GPC5: variants seen among roughly 807,000 people sequenced by gnomAD.
GPC5 encodes the protein glypican 5.
GPC5 carries 47 observed loss-of-function variants against 53.9 expected under a neutral mutation model. The observed-to-expected ratio is 0.87, with a 90% CI of 0.69 to 1.11. The LOEUF is 1.11. Among genes scored for constraint, GPC5 ranks in the 50% most tolerant of loss-of-function variants. GPC5 has a pLI of 0.00. For synonymous variants in GPC5, 286 were observed against 263.3 expected (o/e 1.09, Z -0.84); for missense variants, 748 against 713.1 (o/e 1.05, Z -0.56).
chr13:92,357,033 C>A (rs983631229), intron 7 of GPC5, among the ~76,000 whole-genome samples: 2 of 148,086 alleles, frequency 1.4e-5, no homozygotes, highest in Non-Finnish European at 2.9e-5. Flanking sequence ...CATGTTCCTG[C>A]AAAGGAGTTG....
intron 7 of GPC5, among the ~76,000 whole-genome samples, chr13:92,338,711 C>T (rs913863729): frequency 6.6e-6 from 1 of 152,030 alleles, no homozygotes; most frequent in African/African-American, 2.4e-5. Context: ...CAGTAAAAAA[C>T]AATCAGTGGT....
chr13:92,483,907 G>A (rs11843627), intron 7 of GPC5, among the ~76,000 whole-genome samples: 3 of 151,940 alleles, frequency 2.0e-5, no homozygotes, highest in African/African-American at 7.3e-5. Context: ...GTGGGAAAAG[G>A]CCTCCTCCTC....
chr13:91,529,425 A>T (rs562114989), intron 2 of GPC5, among the ~76,000 whole-genome samples: 159 of 152,308 alleles, frequency 1.0e-3, no homozygotes, highest in African/African-American at 3.7e-3. Context: ...TGATACCTAG[A>T]TTTCAGTTTC....
At chr13:92,299,974 T>C (rs1354699203) in intron 7 of GPC5, among the ~76,000 whole-genome samples, 1 of 152,188 alleles carries the variant, frequency 6.6e-6, no homozygotes, top group Non-Finnish European at 1.5e-5. Flanking sequence ...CCTTCCTTAC[T>C]TTGCTCACCC....
chr13:92,120,832 G>A lies in GPC5; in HGVS notation c.1402-23998G>A, dbSNP rs192583956. Among the ~76,000 whole-genome samples, 2 of 152,226 alleles carry A rather than the reference G, an allele frequency of 1.3e-5. 1 individual carries two copies. The highest frequency in any genetic ancestry group is 3.9e-4 in the East Asian group (2 of 5,174). On this transcript the variant is annotated intron_variant, in intron 6 of 7. Coordinates refer to ENST00000377067, the MANE Select transcript of GPC5 (RefSeq NM_004466.6). ...ATGGTGTCCAGCTCTATGCAGCTCT[G>A]CCTCCAGATTATGTAAATATCAATT...
chr13:91,828,028 C>T (rs1228650456), intron 5 of GPC5, among the ~76,000 whole-genome samples: 1 of 151,966 alleles, frequency 6.6e-6, no homozygotes, highest in Non-Finnish European at 1.5e-5. Flanking sequence ...GTGATAGATG[C>T]AACAACATGG....
intron 6 of GPC5, among the ~76,000 whole-genome samples, chr13:91,972,144 G>A (rs1331558796): frequency 6.6e-6 from 1 of 152,110 alleles, no homozygotes; most frequent in African/African-American, 2.4e-5. Flanking sequence ...ATGAATCTGG[G>A]TGCTCCTGTA....
chr13:92,221,064 T>A (rs966557569), intron 7 of GPC5, among the ~76,000 whole-genome samples: 1 of 152,108 alleles, frequency 6.6e-6, no homozygotes, highest in African/African-American at 2.4e-5. Flanking sequence ...ACACCCAGCC[T>A]TCTGCTCAAA....
At chr13:92,738,580 C>T (rs576875561) in intron 7 of GPC5, among the ~76,000 whole-genome samples, 8 of 152,034 alleles carry the variant, frequency 5.3e-5, no homozygotes, top group Admixed American at 2.0e-4. Context: ...TAATGTTTAA[C>T]GTAAAGCCAA....
intron 7 of GPC5, among the ~76,000 whole-genome samples, chr13:92,816,329 T>G (rs1392975416): frequency 6.6e-6 from 1 of 152,090 alleles, no homozygotes; most frequent in Admixed American, 6.5e-5. Flanking sequence ...TTGAGCTATA[T>G]GATTTCCCCC....
chr13:92,385,966 C>T (rs1482643455), intron 7 of GPC5, among the ~76,000 whole-genome samples: 4 of 151,576 alleles, frequency 2.6e-5, no homozygotes, highest in Non-Finnish European at 4.4e-5. Context: ...CCCCATAAAA[C>T]AATCCTATTT....
chr13:92,030,852 A>G (rs1452967502), intron 6 of GPC5, among the ~76,000 whole-genome samples: 1 of 152,194 alleles, frequency 6.6e-6, no homozygotes, highest in Non-Finnish European at 1.5e-5. Flanking sequence ...GGGCCTGTTA[A>G]CAGGAACCTC....
At chr13:92,062,942 G>A (rs1208761487) in intron 6 of GPC5, among the ~76,000 whole-genome samples, 1 of 151,936 alleles carries the variant, frequency 6.6e-6, no homozygotes, top group African/African-American at 2.4e-5. Context: ...GAAGTTTGGG[G>A]AGGAAGACAA....
At chr13:92,423,901 GAT>G (rs1876701224) in intron 7 of GPC5, among the ~76,000 whole-genome samples, 1 of 152,204 alleles carries the variant, frequency 6.6e-6, no homozygotes, top group East Asian at 1.9e-4. Context: ...GCGTTAAACA[GAT>G]AAAAATTTAT....
At chr13:92,510,010 G>T (rs1466419816) in intron 7 of GPC5, 1 of 151,974 alleles carries the variant, frequency 6.6e-6, no homozygotes, top group African/African-American at 2.4e-5. Context: ...AGATTTTGAG[G>T]CATGTTATTG....
At chr13:91,788,938 G>A (rs565319545) in intron 5 of GPC5, among the ~76,000 whole-genome samples, 30 of 152,272 alleles carry the variant, frequency 2.0e-4, no homozygotes, top group East Asian at 5.8e-4. Flanking sequence ...TTTAGGCAGG[G>A]CATGGTGGCT....
chr13:92,120,517 C>T (rs1289457471), intron 6 of GPC5, among the ~76,000 whole-genome samples: 1 of 152,112 alleles, frequency 6.6e-6, no homozygotes, highest in East Asian at 1.9e-4. Context: ...ACTCAAAGTG[C>T]TAGGATTACA....
intron 7 of GPC5, among the ~76,000 whole-genome samples, chr13:92,481,269 G>A (rs1013119129): frequency 1.3e-5 from 2 of 151,700 alleles, no homozygotes; most frequent in African/African-American, 4.8e-5. Context: ...CCCAGCTAAT[G>A]TTTTGTATTT....
At chr13:92,231,352 G>A (rs778784723) in intron 7 of GPC5, among the ~76,000 whole-genome samples, 16 of 152,208 alleles carry the variant, frequency 1.1e-4, no homozygotes, top group Middle Eastern at 3.4e-3. Flanking sequence ...AATTCCAAGG[G>A]TGAGATAATC....
Sources: gnomAD v4.1 joint callset for allele counts (sites outside exome capture counted in the v4.1 genomes callset) on GRCh38, gnomAD v4.1.1 for gene constraint, MANE v1.5 for transcripts, NCBI Gene and HGNC (gene_info 2026-07-23, HGNC 2026-07-21) for gene names.